ELAVL4: variants seen among roughly 807,000 people sequenced by gnomAD.
The protein encoded by ELAVL4 is ELAV-like protein 4.
A neutral mutation model predicts 35.6 loss-of-function variants in ELAVL4; 1 was observed. The observed-to-expected ratio is 0.03, with a 90% confidence interval of 0.01 to 0.13. The LOEUF is 0.13. ELAVL4 is among the 10% of genes least tolerant of loss of function. The probability of loss-of-function intolerance (pLI) is 1.00; values close to 1 mark genes in which losing one functional copy is unlikely to be tolerated. For synonymous variants in ELAVL4, 156 were observed against 171.0 expected (o/e 0.91, Z 0.69); for missense variants, 267 against 464.9 (o/e 0.57, Z 3.91).
chr1:50,134,065 T>C (rs1438277976), intron 1 of ELAVL4, among the ~76,000 whole-genome samples: 1 of 152,190 alleles, frequency 6.6e-6, no homozygotes, highest in Non-Finnish European at 1.5e-5. Flanking sequence ...CAAGTGTTAA[T>C]TTTCAAAATA....
chr1:50,106,296 C>T (rs763684060), upstream of ELAVL4: 1 of 1,611,936 alleles, frequency 6.2e-7, no homozygotes, highest in South Asian at 1.1e-5. Context: ...TATCTGCAAC[C>T]TTTGGGATGT....
At chr1:50,094,169 AATTTATTT>A (rs1665615371) in intron 1 of ELAVL4, among the ~76,000 whole-genome samples, 1 of 152,218 alleles carries the variant, frequency 6.6e-6, no homozygotes, top group African/African-American at 2.4e-5. Context: ...TGCATTTGTT[AATTTATTT>A]AACTATCATT....
chr1:50,077,821 A>G (rs1247805773), intron 1 of ELAVL4, among the ~76,000 whole-genome samples: 1 of 152,134 alleles, frequency 6.6e-6, no homozygotes, highest in African/African-American at 2.4e-5. Context: ...TCTTACTAGC[A>G]TTATCTCATT....
chr1:50,061,842 A>G (rs4244637), intron 1 of ELAVL4, among the ~76,000 whole-genome samples: 141,236 of 152,280 alleles, frequency 0.93, 66,368 homozygotes, highest in East Asian at 1. Flanking sequence ...ATAGTCTGAG[A>G]CTCTGTCTCC....
At chr1:50,050,366 CTGAAA>C (rs1481130831) in intron 1 of ELAVL4, among the ~76,000 whole-genome samples, 2 of 152,134 alleles carry the variant, frequency 1.3e-5, no homozygotes, top group African/African-American at 4.8e-5. Flanking sequence ...ACTGGGGTGA[CTGAAA>C]TATGCTTTAT....
At chr1:50,054,301 T>C (rs1442045402) in intron 1 of ELAVL4, among the ~76,000 whole-genome samples, 2 of 152,192 alleles carry the variant, frequency 1.3e-5, no homozygotes, top group East Asian at 3.8e-4. Context: ...GATTAGGATC[T>C]GGAAAAGGGA....
At chr1:50,068,490 T>C (rs1664369560) in intron 1 of ELAVL4, among the ~76,000 whole-genome samples, 1 of 152,180 alleles carries the variant, frequency 6.6e-6, no homozygotes, top group Non-Finnish European at 1.5e-5. Flanking sequence ...TGGCACACTG[T>C]TGTTAAAGCC....
chr1:50,191,173 T>C (rs1009623181), intron 3 of ELAVL4, among the ~76,000 whole-genome samples: 5 of 152,208 alleles, frequency 3.3e-5, no homozygotes, highest in African/African-American at 9.7e-5. Context: ...TGGAGTTCCT[T>C]TACAGCAAGA....
At chr1:50,160,258 G>T (rs1417298723) in intron 2 of ELAVL4, among the ~76,000 whole-genome samples, 1 of 152,098 alleles carries the variant, frequency 6.6e-6, no homozygotes, top group Admixed American at 6.5e-5. Context: ...CAAGAATCCC[G>T]AGCTTTTTAG....
intron 1 of ELAVL4, among the ~76,000 whole-genome samples, chr1:50,130,644 A>G (rs1339216918): frequency 1.3e-5 from 2 of 152,148 alleles, no homozygotes; most frequent in African/African-American, 4.8e-5. Flanking sequence ...TTCCATTACT[A>G]CACTTATGAC....
chr1:50,105,504 G>A (rs1295507555), upstream of ELAVL4, among the ~76,000 whole-genome samples: 1 of 152,076 alleles, frequency 6.6e-6, no homozygotes, highest in Admixed American at 6.5e-5. Flanking sequence ...AGACAATCTT[G>A]CCTGTTAAGA....
In ELAVL4 at chr1:50,183,866, C is replaced by T. The variant is rs573537744; in HGVS notation, c.354+6674C>T. On this transcript the variant is annotated intron_variant, in intron 3 of 6. Coordinates refer to ENST00000371824, the MANE Select transcript of ELAVL4 (RefSeq NM_001144774.3). Reference sequence around the variant, plus strand: ...TTTTTTGCTGATGGATATCACCCCACACAGAAATGATGGACTGCCTCCCTC... The same window carrying T: ...TTTTTTGCTGATGGATATCACCCCATACAGAAATGATGGACTGCCTCCCTC... Among the ~76,000 whole-genome samples the T allele has an allele frequency of 7.2e-5, 11 of 152,344 alleles. No individual in the cohort carries two copies. In the South Asian group the frequency reaches 1.2e-3, roughly 17 times the overall value.
chr1:50,115,162 T>C (rs1667740363), intron 1 of ELAVL4: 1 of 152,034 alleles, frequency 6.6e-6, no homozygotes. Flanking sequence ...CAACCAATTT[T>C]GCTTTAGGGG....
chr1:50,106,500 T>C (rs1447820467), upstream of ELAVL4: 2 of 812,114 alleles, frequency 2.5e-6, no homozygotes, highest in African/African-American at 1.7e-5. Context: ...TGGTGGATTG[T>C]GGCAGAAAAA....
rs17105968 is a variant in ELAVL4, at chr1:50,151,878, G to A, written c.250+6681G>A. Among the ~76,000 whole-genome samples the A allele has an allele frequency of 0.012, 1,774 of 152,262 alleles. 64 individuals carry two copies. In the East Asian group the frequency reaches 0.14, roughly 12 times the overall value. ...TGAGTGGAAAATTTTTAGGTATGGA[G>A]AAGATTTGGCAGCCTAATGGGGTTG... On this transcript the variant is annotated intron_variant, in intron 2 of 6. Transcript: ENST00000371824.
At chr1:50,124,792 T>C (rs1012445260) in intron 1 of ELAVL4, among the ~76,000 whole-genome samples, 50 of 152,096 alleles carry the variant, frequency 3.3e-4, no homozygotes, top group African/African-American at 1.2e-3. Flanking sequence ...GGGGAAATCA[T>C]TTCCACTCCC....
intron 2 of ELAVL4, among the ~76,000 whole-genome samples, chr1:50,161,895 C>T (rs1676869885): frequency 6.6e-6 from 1 of 152,126 alleles, no homozygotes; most frequent in African/African-American, 2.4e-5. Flanking sequence ...CAGCAGTTGG[C>T]CTTTCTTAAT....
At chr1:50,110,086 C>T in intron 1 of ELAVL4, 1 of 1,284,302 alleles carries the variant, frequency 7.8e-7, no homozygotes, top group Non-Finnish European at 1.1e-6. Context: ...CTGTGCTGAT[C>T]GTTTGTGTGT....
At chr1:50,155,791 C>A (rs1045743724) in intron 2 of ELAVL4, among the ~76,000 whole-genome samples, 3 of 152,140 alleles carry the variant, frequency 2.0e-5, no homozygotes, top group African/African-American at 7.2e-5. Flanking sequence ...TTACCCAGAG[C>A]CCTGAGCTGG....
Sources: allele counts gnomAD v4.1 joint callset (sites outside exome capture counted in the v4.1 genomes callset), GRCh38; gene constraint gnomAD v4.1.1; transcripts MANE v1.5; gene names NCBI Gene and HGNC (gene_info 2026-07-23, HGNC 2026-07-21).